Variants in ZNF254 observed in about 807,000 individuals in gnomAD.
ZNF254 encodes the protein zinc finger protein 254.
Under a neutral mutation model 12.4 loss-of-function variants are expected in ZNF254, and 10 were observed. That is an observed-to-expected ratio of 0.80 (90% CI 0.50 to 1.36). The LOEUF (loss-of-function observed/expected upper bound fraction) is 1.36, where lower values mean the gene tolerates loss of function less well. ZNF254 is among the 40% of genes most tolerant of loss of function. ZNF254 has a pLI of 0.00. For synonymous variants in ZNF254, 305 were observed against 253.4 expected (o/e 1.20, Z -1.93); for missense variants, 996 against 763.9 (o/e 1.30, Z -3.58).
intron 1 of ZNF254, chr19:24,104,519 C>A (rs552553641): frequency 6.6e-6 from 1 of 152,142 alleles, no homozygotes; most frequent in Non-Finnish European, 1.5e-5. Context: ...TTAGTACTTG[C>A]AAATCTTCAC....
At chr19:24,112,648 C>G (rs1054432116) in intron 3 of ZNF254, among the ~76,000 whole-genome samples, 1 of 151,674 alleles carries the variant, frequency 6.6e-6, no homozygotes, top group Non-Finnish European at 1.5e-5. Context: ...TGTAGTTCTC[C>G]TTGAAGAGGT....
intron 2 of ZNF254, among the ~76,000 whole-genome samples, chr19:24,060,487 A>G (rs1971025148): frequency 6.6e-6 from 1 of 152,176 alleles, no homozygotes; most frequent in Non-Finnish European, 1.5e-5. Context: ...GGGCATTGTG[A>G]CATATCTCTT....
At chr19:24,123,521 G>A (rs1324229399) in intron 3 of ZNF254, among the ~76,000 whole-genome samples, 1 of 151,704 alleles carries the variant, frequency 6.6e-6, no homozygotes, top group Non-Finnish European at 1.5e-5. Flanking sequence ...TGCTATAATT[G>A]TATTGCTTTG....
intron 1 of ZNF254, among the ~76,000 whole-genome samples, chr19:24,042,898 A>T (rs1053706022): frequency 6.6e-6 from 1 of 152,196 alleles, no homozygotes; most frequent in African/African-American, 2.4e-5. Flanking sequence ...TCTTCACTAT[A>T]AAGTTATTTT....
At chr19:24,109,591 TGTCA>T (rs1433913538) in intron 3 of ZNF254, among the ~76,000 whole-genome samples, 3 of 152,244 alleles carry the variant, frequency 2.0e-5, no homozygotes, top group African/African-American at 7.2e-5. Context: ...GCCATATGTC[TGTCA>T]TAGTCAGATT....
chr19:24,034,127 T>A (rs1411903309), intron 1 of ZNF254, among the ~76,000 whole-genome samples: 1 of 152,074 alleles, frequency 6.6e-6, no homozygotes, highest in Non-Finnish European at 1.5e-5. Flanking sequence ...CTGGCTAGTT[T>A]TGTATTTCTA....
intron 3 of ZNF254, 76 bp from the exon 4 acceptor site, chr19:24,126,178 A>G: frequency 6.9e-6 from 7 of 1,010,526 alleles, no homozygotes; most frequent in Non-Finnish European, 6.7e-6. Context: ...GTATAATTTT[A>G]TAGGTAAGAT....
intron 3 of ZNF254, among the ~76,000 whole-genome samples, chr19:24,113,395 A>T (rs1181998068): frequency 6.6e-6 from 1 of 152,198 alleles, no homozygotes; most frequent in African/African-American, 2.4e-5. Flanking sequence ...ATTAATCAAT[A>T]AATGTAATCC....
At position 24,117,024 on chromosome 19, in the gene ZNF254, C is replaced by T. The variant is rs542903773; in HGVS notation, c.254-9230C>T. Among the ~76,000 whole-genome samples, 38 of 152,232 alleles carry T rather than the reference C, an allele frequency of 2.5e-4. No homozygotes were observed. The South Asian group carries it at 2.7e-3, about 11-fold the overall frequency. ...CAGAACAGCTGATTTTCGTGAACCG[C>T]GAATACTGCTGTCTGATCATTCTTC... On this transcript the variant is annotated intron_variant, in intron 3 of 3. Transcript: ENST00000357002.
intron 2 of ZNF254, among the ~76,000 whole-genome samples, chr19:24,047,873 G>A (rs1340992966): frequency 6.6e-6 from 1 of 151,082 alleles, no homozygotes; most frequent in African/African-American, 2.4e-5. Flanking sequence ...TTTTAGTAGA[G>A]ATGGGGTTTC....
At chr19:24,063,008 T>G (rs1378140783) in intron 2 of ZNF254, among the ~76,000 whole-genome samples, 1 of 147,864 alleles carries the variant, frequency 6.8e-6, no homozygotes, top group Non-Finnish European at 1.5e-5. Context: ...ACCATGTTGG[T>G]CAGGCTGGTC....
chr19:24,069,638 C>T (rs1419980439), intron 2 of ZNF254, among the ~76,000 whole-genome samples: 1 of 149,802 alleles, frequency 6.7e-6, no homozygotes, highest in Non-Finnish European at 1.5e-5. Context: ...GAATATTCTG[C>T]CAGGTGTGGT....
chr19:24,035,347 T>C (rs1387693828), intron 1 of ZNF254, among the ~76,000 whole-genome samples: 1 of 152,032 alleles, frequency 6.6e-6, no homozygotes, highest in Non-Finnish European at 1.5e-5. Flanking sequence ...ATTTTTAGTA[T>C]AGGCGGGGTT....
Position 24,127,320 on chromosome 19 carries a change from C to A in ZNF254, c.1320C>A (p.Gly440=). 2 of 1,613,652 alleles carry A rather than the reference C, an allele frequency of 1.2e-6. No homozygotes were observed. The highest frequency in any genetic ancestry group is 1.7e-6 in the Non-Finnish European group (2 of 1,179,834). ...GEKPYKCEEC[G]KAFIWSSTLT... ...AACCTTACAAGTGTGAAGAATGTGG[C>A]AAAGCATTTATCTGGTCCTCAACCC... is the stretch of plus-strand genomic sequence containing the variant. The change falls in exon 4 of 4, where the codon GGC becomes GGA. Residue 440 remains glycine (G), a synonymous_variant. Coordinates refer to ENST00000357002, the MANE Select transcript of ZNF254 (RefSeq NM_203282.4).
At chr19:24,041,395 C>T (rs1464714496) in intron 1 of ZNF254, among the ~76,000 whole-genome samples, 2 of 152,228 alleles carry the variant, frequency 1.3e-5, no homozygotes, top group Non-Finnish European at 2.9e-5. Flanking sequence ...GCTTGGTGGG[C>T]CCCACACTCG....
At chr19:24,042,475 C>A (rs752197745) in intron 1 of ZNF254, among the ~76,000 whole-genome samples, 2 of 152,144 alleles carry the variant, frequency 1.3e-5, no homozygotes, top group Non-Finnish European at 2.9e-5. Flanking sequence ...TTTGGGTGCA[C>A]GCTGCTTTTA....
chr19:24,121,746 CA>C (rs1367473940), intron 3 of ZNF254, among the ~76,000 whole-genome samples: 2 of 151,912 alleles, frequency 1.3e-5, no homozygotes, highest in African/African-American at 4.8e-5. Flanking sequence ...TTAGTAGAGA[CA>C]GAGTTTACCA....
chr19:24,079,412 C>T (rs1283360840), intron 2 of ZNF254: 2 of 152,214 alleles, frequency 1.3e-5, no homozygotes, highest in African/African-American at 4.8e-5. Context: ...CCCTGAAGAA[C>T]TTAGCCCAGT....
At chr19:24,052,891 A>G (rs1228855510) in intron 2 of ZNF254, among the ~76,000 whole-genome samples, 3 of 152,198 alleles carry the variant, frequency 2.0e-5, no homozygotes, top group Non-Finnish European at 2.9e-5. Flanking sequence ...GGGTCAGGAA[A>G]ATGAGTAATG....
Sources: allele counts gnomAD v4.1 joint callset (sites outside exome capture counted in the v4.1 genomes callset), GRCh38; gene constraint gnomAD v4.1.1; transcripts MANE v1.5; gene names NCBI Gene and HGNC (gene_info 2026-07-23, HGNC 2026-07-21).